The following PREX2 variants were observed in gnomAD, a reference collection of about 807,000 sequenced individuals.
The protein encoded by PREX2 is phosphatidylinositol-3,4,5-trisphosphate dependent Rac exchange factor 2.
PREX2 carries 107 observed loss-of-function variants against 203.2 expected under a neutral mutation model. The observed-to-expected ratio is 0.53, with a 90% confidence interval of 0.45 to 0.62. The LOEUF is 0.62. PREX2 is among the 20% of genes least tolerant of loss of function. The pLI is 0.00. For missense variants in PREX2, 1,777 were observed against 1,955.9 expected (o/e 0.91, Z 1.72); for synonymous variants, 672 against 663.6 (o/e 1.01, Z -0.19).
chr8:68,163,227 T>A (rs577386908), intron 35 of PREX2, among the ~76,000 whole-genome samples: 1 of 152,208 alleles, frequency 6.6e-6, no homozygotes. Context: ...ACTTTAGCCA[T>A]GAGTCAGATA....
At chr8:68,164,936 A>C (rs1387265360) in intron 35 of PREX2, among the ~76,000 whole-genome samples, 2 of 149,764 alleles carry the variant, frequency 1.3e-5, no homozygotes, top group Non-Finnish European at 3.0e-5. Context: ...GCAAAGTCAA[A>C]AGTCACAAAA....
chr8:68,026,541 C>A (rs776708131), intron 4 of PREX2, among the ~76,000 whole-genome samples: 8 of 151,888 alleles, frequency 5.3e-5, no homozygotes, highest in Non-Finnish European at 1.0e-4. Flanking sequence ...TCAGTTTTCT[C>A]TTGACCACCA....
intron 1 of PREX2, among the ~76,000 whole-genome samples, chr8:67,958,767 G>A (rs1266385649): frequency 6.6e-6 from 1 of 152,182 alleles, no homozygotes; most frequent in Non-Finnish European, 1.5e-5. Flanking sequence ...GGAGGTTTAA[G>A]TAGAATGGAG....
intron 1 of PREX2, among the ~76,000 whole-genome samples, chr8:67,995,483 C>T (rs1481198049): frequency 6.6e-6 from 1 of 152,106 alleles, no homozygotes; most frequent in Non-Finnish European, 1.5e-5. Flanking sequence ...TTTTAGTGTA[C>T]TTCATTAATC....
At chr8:68,141,087 A>G (rs938384805) in intron 33 of PREX2, among the ~76,000 whole-genome samples, 10 of 152,214 alleles carry the variant, frequency 6.6e-5, no homozygotes, top group Non-Finnish European at 4.4e-5. Flanking sequence ...CACTAATGAG[A>G]GATACAAGGA....
At chr8:68,027,527 T>C (rs1316731610) in intron 5 of PREX2, among the ~76,000 whole-genome samples, 1 of 152,084 alleles carries the variant, frequency 6.6e-6, no homozygotes, top group African/African-American at 2.4e-5. Context: ...AAAGAGCTTT[T>C]GGTGCTCTTT....
chr8:68,106,117 C>T (rs1481380688), intron 23 of PREX2: 2 of 324,820 alleles, frequency 6.2e-6, no homozygotes, highest in African/African-American at 2.2e-5. Context: ...TGCCTCTCTT[C>T]TTGCTTTTGA....
intron 23 of PREX2, among the ~76,000 whole-genome samples, chr8:68,104,710 T>C (rs1386682637): frequency 2.0e-5 from 3 of 152,236 alleles, no homozygotes; most frequent in Non-Finnish European, 2.9e-5. Context: ...CTCACTGGAA[T>C]GTAACCTCCC....
Position 68,146,355 on chromosome 8 carries a change from A to G in PREX2, c.4231+3A>G. Reference sequence around the variant, plus strand: ...TCATCCTGTTCTTTTTGCACAAGGTAAACTGTTTCTCTTTTGATGGCTGCT... The same window carrying G: ...TCATCCTGTTCTTTTTGCACAAGGTGAACTGTTTCTCTTTTGATGGCTGCT... On this transcript the variant is annotated splice_donor_region_variant and intron_variant, in intron 34 of 39. Coordinates refer to ENST00000288368, the MANE Select transcript of PREX2 (RefSeq NM_024870.4). 1 of 1,609,006 alleles carries G rather than the reference A, an allele frequency of 6.2e-7. No homozygotes were observed. The highest frequency in any genetic ancestry group is 2.2e-5 in the East Asian group (1 of 44,660).
chr8:68,135,099 T>TGTGTGTG (rs58263470), intron 32 of PREX2, among the ~76,000 whole-genome samples: 10 of 148,894 alleles, frequency 6.7e-5, no homozygotes, highest in East Asian at 2.0e-4. Flanking sequence ...AAAACAAATT[T>TGTGTGTG]TGTGTGTGTG....
intron 37 of PREX2, among the ~76,000 whole-genome samples, chr8:68,202,151 C>T (rs186574377): frequency 5.9e-5 from 9 of 152,240 alleles, no homozygotes; most frequent in Admixed American, 2.0e-4. Flanking sequence ...CCACCCACCT[C>T]GGCCTCCCAA....
Position 68,019,573 on chromosome 8 carries a change from A to G in PREX2, c.238A>G (p.Ile80Val). ...VKMLFSNIED[I>V]LAVHKEFLKV... ...GATGTTGTTCTCAAACATTGAAGAC[A>G]TCCTTGCAGTACATAAAGAATTCTT... The change falls in exon 3 of 40, where the codon ATC becomes GTC. Residue 80 changes from isoleucine to valine, a missense_variant. By Grantham distance (29) the Ile-to-Val change is conservative. Transcript: ENST00000288368. The G allele has an allele frequency of 6.2e-7, 1 of 1,612,436 alleles. No homozygotes were observed.
intron 1 of PREX2, among the ~76,000 whole-genome samples, chr8:68,001,573 A>G (rs1020575065): frequency 5.1e-4 from 77 of 152,320 alleles, no homozygotes; most frequent in African/African-American, 1.7e-3. Flanking sequence ...CCATTGTTCA[A>G]CCCAGCAATC....
chr8:68,135,076 A>G (rs927919509), intron 32 of PREX2, among the ~76,000 whole-genome samples: 4 of 143,020 alleles, frequency 2.8e-5, no homozygotes, highest in Non-Finnish European at 6.1e-5. Context: ...ACCAAGTAAC[A>G]TGTTTGAGCT....
intron 37 of PREX2, among the ~76,000 whole-genome samples, chr8:68,209,759 A>C (rs1812709353): frequency 1.3e-5 from 2 of 152,226 alleles, no homozygotes; most frequent in South Asian, 4.1e-4. Context: ...TACAAAATCA[A>C]ACTAACCTCG....
intron 34 of PREX2, among the ~76,000 whole-genome samples, chr8:68,155,063 A>G (rs1374647511): frequency 6.6e-6 from 1 of 152,150 alleles, no homozygotes; most frequent in Non-Finnish European, 1.5e-5. Context: ...TTTCTAGGAT[A>G]GATAATGAGA....
rs150199997 is a variant in PREX2 at position 68,022,752 on chromosome 8, C to G, written c.441+612C>G. On this transcript the variant is annotated intron_variant, in intron 4 of 39. Transcript: ENST00000288368. ...AAATTCATTTTTAGATCATTTTTGTCACCTCAGAAAGACCTTCATGTCCCT... is the reference window on the plus strand; with the variant it reads ...AAATTCATTTTTAGATCATTTTTGTGACCTCAGAAAGACCTTCATGTCCCT... Among the ~76,000 whole-genome samples the G allele has an allele frequency of 3.2e-4, 48 of 152,080 alleles. No individual in the cohort carries two copies. The East Asian group carries it at 8.9e-3, about 28-fold the overall frequency.
chr8:68,143,856 A>C (rs1811273543), intron 33 of PREX2, among the ~76,000 whole-genome samples: 1 of 152,118 alleles, frequency 6.6e-6, no homozygotes, highest in African/African-American at 2.4e-5. Context: ...ATTTTGGGTT[A>C]ATTTTTGTGG....
chr8:68,175,049 T>C (rs1034001095), intron 35 of PREX2, among the ~76,000 whole-genome samples: 1 of 152,168 alleles, frequency 6.6e-6, no homozygotes, highest in Non-Finnish European at 1.5e-5. Context: ...ACAGGTTATT[T>C]TGAAATACTC....
Sources: allele counts gnomAD v4.1 joint callset (sites outside exome capture counted in the v4.1 genomes callset), GRCh38; gene constraint gnomAD v4.1.1; transcripts MANE v1.5; gene names NCBI Gene and HGNC (gene_info 2026-07-23, HGNC 2026-07-21).